The following SOD2 variants were observed in gnomAD, a reference collection of about 807,000 sequenced individuals.
SOD2 encodes the protein superoxide dismutase 2.
A neutral mutation model predicts 27.0 loss-of-function variants in SOD2; 11 were observed. The observed-to-expected ratio is 0.41, with a 90% CI of 0.26 to 0.67. The LOEUF (loss-of-function observed/expected upper bound fraction) is 0.67. SOD2 is among the 30% of genes least tolerant of loss of function. The pLI is 0.34. For missense variants in SOD2, 250 were observed against 274.5 expected (o/e 0.91, Z 0.63); for synonymous variants, 105 against 103.0 (o/e 1.02, Z -0.12).
At chr6:159,707,496 C>T (rs1028497200) in intron 1 of SOD2, among the ~76,000 whole-genome samples, 1 of 152,168 alleles carries the variant, frequency 6.6e-6, no homozygotes, top group Non-Finnish European at 1.5e-5. Flanking sequence ...CACCTCTACA[C>T]AAATAAACTA....
upstream of SOD2, among the ~76,000 whole-genome samples, chr6:159,728,657 A>G (rs1343986714): frequency 6.6e-6 from 1 of 152,232 alleles, no homozygotes; most frequent in Non-Finnish European, 1.5e-5. Context: ...CCGTAATTTA[A>G]AACTATGAGC....
In SOD2 at chr6:159,712,360, G is replaced by A. The variant is rs868319024; in HGVS notation, c.-116+14769C>T. Among the ~76,000 whole-genome samples, 79 of 86,192 alleles carry A rather than the reference G, an allele frequency of 9.2e-4. 1 individual carries two copies. Among genetic ancestry groups the A allele is most frequent in the African/African-American group, 1.2e-3 (27 of 22,478 alleles). The allele number at this position is 86,192 out of a possible 152,430, so 56.5% of individuals were successfully genotyped here. A position where few individuals can be genotyped will look rare whatever the true frequency, so the allele number is the denominator to read the frequency against. Reference sequence around the variant, plus strand: ...TAACCACCTCCATAACCACCACTCAGCTGCTCTGACCTCCATAACCACCTC... The same window carrying A: ...TAACCACCTCCATAACCACCACTCAACTGCTCTGACCTCCATAACCACCTC... On this transcript the variant is annotated intron_variant, in intron 1 of 2. Transcript: ENST00000401980.
intron 1 of SOD2, among the ~76,000 whole-genome samples, chr6:159,704,363 T>C (rs1237159489): frequency 2.0e-5 from 3 of 152,136 alleles, no homozygotes; most frequent in Non-Finnish European, 4.4e-5. Flanking sequence ...GATCAGGGAA[T>C]TCACTTTCAT....
intron 1 of SOD2, chr6:159,712,769 C>A: frequency 2.0e-6 from 1 of 494,464 alleles, no homozygotes. Flanking sequence ...TCCACAACCA[C>A]CACTCAGCTG....
intron 1 of SOD2, chr6:159,726,835 A>T: frequency 7.8e-7 from 1 of 1,289,184 alleles, no homozygotes. Flanking sequence ...ATCGGTTTCT[A>T]AGTTCTCAAA....
At chr6:159,721,313 C>T (rs545636534) in intron 1 of SOD2, among the ~76,000 whole-genome samples, 36 of 151,682 alleles carry the variant, frequency 2.4e-4, no homozygotes, top group Admixed American at 2.1e-3. Flanking sequence ...GTGATCTGCC[C>T]GCCTCGGCCT....
At chr6:159,739,238 A>C (rs533034068) in intron 1 of SOD2, among the ~76,000 whole-genome samples, 3 of 152,340 alleles carry the variant, frequency 2.0e-5, no homozygotes, top group African/African-American at 7.2e-5. Context: ...TTAAAGAACT[A>C]CTAGGAAGCT....
upstream of SOD2, among the ~76,000 whole-genome samples, chr6:159,698,180 G>GA: frequency 6.6e-6 from 1 of 152,322 alleles, no homozygotes; most frequent in East Asian, 1.9e-4. Flanking sequence ...GGCTGAGGCA[G>GA]AAGAATCGCT....
chr6:159,734,135 A>G (rs1460033129), intron 1 of SOD2, among the ~76,000 whole-genome samples: 4 of 152,288 alleles, frequency 2.6e-5, no homozygotes, highest in South Asian at 2.1e-4. Flanking sequence ...AGGAATCTCA[A>G]AATCAAGTGG....
At chr6:159,732,764 C>T (rs1292632602) in intron 1 of SOD2, among the ~76,000 whole-genome samples, 1 of 151,988 alleles carries the variant, frequency 6.6e-6, no homozygotes, top group East Asian at 1.9e-4. Flanking sequence ...GTGGAGGTTG[C>T]AGTGAGCCGA....
intron 1 of SOD2, chr6:159,736,373 A>T (rs1427717932): frequency 9.1e-7 from 1 of 1,098,418 alleles, no homozygotes; most frequent in East Asian, 2.4e-5. Context: ...AAAAAAAAAT[A>T]GACTTGAAGG....
At position 159,679,782 on chromosome 6, in the gene SOD2, A is replaced by G. The variant is rs1214097347; in HGVS notation, c.*2711T>C. On this transcript the variant is annotated 3_prime_UTR_variant, in exon 5 of 5. Coordinates refer to ENST00000538183, the MANE Select transcript of SOD2 (RefSeq NM_000636.4). ...TTACCTTTTCTATTTCTATTATGAA[A>G]AACAGAGCTAAACAATTTTTGTATT... The G allele has an allele frequency of 6.6e-6, 1 of 152,202 alleles. No individual in the cohort carries two copies. The highest frequency in any genetic ancestry group is 1.5e-5 in the Non-Finnish European group (1 of 68,032). 9.4% of individuals were successfully genotyped at this position (152,202 alleles called of 1,614,324 possible). A position where few individuals can be genotyped will look rare whatever the true frequency, so the allele number is the denominator to read the frequency against.
chr6:159,685,031 C>T lies in SOD2; in HGVS notation c.346G>A (p.Glu116Lys). 6.3e-7 allele frequency: 1 copy of T among 1,580,554 alleles called. No individual in the cohort carries two copies. The highest frequency in any genetic ancestry group is 1.2e-5 in the South Asian group (1 of 85,080). ...SPNGGGEPKG[E>K]LLEAIKRDFG... ...TCACGTTTGATGGCTTCCAGCAACTCCCCTATTAAAAAAAAAATCCAAAAC... is the reference window on the plus strand; with the variant it reads ...TCACGTTTGATGGCTTCCAGCAACTTCCCTATTAAAAAAAAAATCCAAAAC... The change falls in exon 4 of 5, where the codon GAG becomes AAG. Residue 116 changes from glutamate to lysine, a missense_variant and splice_region_variant. Transcript: ENST00000538183.
chr6:159,749,825 G>C (rs186150754), upstream of SOD2, among the ~76,000 whole-genome samples: 9 of 152,268 alleles, frequency 5.9e-5, no homozygotes, highest in Admixed American at 2.0e-4. Context: ...TTTTCTTCAT[G>C]CTTCCATCCA....
At chr6:159,749,622 T>A (rs1449151528), upstream of SOD2, among the ~76,000 whole-genome samples, 1 of 152,168 alleles carries the variant, frequency 6.6e-6, no homozygotes, top group Non-Finnish European at 1.5e-5. Flanking sequence ...GACTTGACAC[T>A]TGTTACTTTT....
Position 159,721,136 on chromosome 6 carries a change from C to G in SOD2, c.-116+5993G>C, listed in dbSNP as rs183517893. 3.0e-4 allele frequency among the ~76,000 whole-genome samples: 44 copies of G among 147,636 alleles called. 1 individual carries two copies. The East Asian group carries it at 8.7e-3, about 29-fold the overall frequency. ...AGGCTGGAGTGCAATGGCACAATCT[C>G]AGCTCGCTGCAAGCTCTGCCTCCTG... is the stretch of plus-strand genomic sequence containing the variant. On this transcript the variant is annotated intron_variant, in intron 1 of 2. Transcript: ENST00000401980.
intron 3 of SOD2, among the ~76,000 whole-genome samples, chr6:159,685,858 G>A (rs890936911): frequency 6.6e-6 from 1 of 152,086 alleles, no homozygotes; most frequent in Non-Finnish European, 1.5e-5. Flanking sequence ...TTAATGAATC[G>A]TGTTAGAGGG....
chr6:159,703,016 T>A (rs1383654444), intron 1 of SOD2, among the ~76,000 whole-genome samples: 1 of 150,686 alleles, frequency 6.6e-6, no homozygotes, highest in African/African-American at 2.4e-5. Flanking sequence ...ACCTCATCTT[T>A]AAAAAAAATG....
In SOD2 at chr6:159,692,656, C is replaced by T. The variant is rs1777272114; in HGVS notation, c.226+5G>A. 6.2e-7 allele frequency: 1 copy of T among 1,613,688 alleles called. No homozygotes were observed. The highest frequency in any genetic ancestry group is 8.5e-7 in the Non-Finnish European group (1 of 1,179,882). The stretch of plus-strand genomic sequence containing the variant: ...CTGCCTCCCGCCGCTCAGCCTGGAA[C>T]CTACCCTTGGCCAACGCCTCCTGGT... On this transcript the variant is annotated splice_donor_5th_base_variant and intron_variant, in intron 2 of 4. Transcript: ENST00000538183.
Sources: gnomAD v4.1 joint callset for allele counts (sites outside exome capture counted in the v4.1 genomes callset) on GRCh38, gnomAD v4.1.1 for gene constraint, MANE v1.5 for transcripts, NCBI Gene and HGNC (gene_info 2026-07-23, HGNC 2026-07-21) for gene names.